Variants in PET117 observed in about 807,000 individuals in gnomAD.
PET117 encodes protein PET117 homolog, mitochondrial.
A neutral mutation model predicts 9.2 loss-of-function variants in PET117; 10 were observed. The ratio of observed to expected loss-of-function variants is 1.09; its 90% CI spans 0.67 to 1.85. The LOEUF is 1.85. Ranked by LOEUF, PET117 falls within the 40% of genes most tolerant of loss-of-function variation. The probability of loss-of-function intolerance (pLI) is 0.00; values close to 1 mark genes in which losing one functional copy is unlikely to be tolerated. For missense variants in PET117, 96 were observed against 98.2 expected (o/e 0.98, Z 0.09); for synonymous variants, 43 against 37.1 (o/e 1.16, Z -0.57).
At chr20:18,140,680 C>T (rs754855142) in intron 1 of PET117, among the ~76,000 whole-genome samples, 2 of 151,682 alleles carry the variant, frequency 1.3e-5, no homozygotes, top group South Asian at 2.1e-4. Context: ...GGCCTGGTGG[C>T]GCACGCCTGT....
Position 18,141,040 on chromosome 20 carries a change from T to A in PET117, c.97-1168T>A, listed in dbSNP as rs1441511047. The stretch of plus-strand genomic sequence containing the variant: ...TCCCTGCAATTTTTTTTTTTTTTTT[T>A]TTTTTTATTTTTATTTTTGCTAGAG... On this transcript the variant is annotated intron_variant, in intron 1 of 1. Coordinates refer to ENST00000432901, the MANE Select transcript of PET117 (RefSeq NM_001164811.2). Among the ~76,000 whole-genome samples the A allele has an allele frequency of 1.6e-4, 9 of 55,160 alleles. No homozygotes were observed. In the East Asian group the frequency reaches 3.4e-3, roughly 21 times the overall value. 36.2% of individuals were successfully genotyped at this position (55,160 alleles called of 152,430 possible).
rs764354906 is a variant in PET117, at chr20:18,138,033, G to A, written c.78G>A (p.Lys26=). Reference sequence around the variant, plus strand: ...CCACAGTGGCCGGCGTACATGTGAAGCAGCAGTGGGACCAGCAGGTCGGTG... The same window carrying A: ...CCACAGTGGCCGGCGTACATGTGAAACAGCAGTGGGACCAGCAGGTCGGTG... ...TAATVAGVHV[K]QQWDQQRLRD... is the part of the protein sequence containing the mutation. The change falls in exon 1 of 2, where the codon AAG becomes AAA. Residue 26 remains lysine, a synonymous_variant. Coordinates refer to ENST00000432901, the MANE Select transcript of PET117 (RefSeq NM_001164811.2). 3 of 1,494,526 alleles carry A rather than the reference G, an allele frequency of 2.0e-6. No homozygotes were observed. The highest frequency in any genetic ancestry group is 1.3e-5 in the South Asian group (1 of 79,956). The allele number at this position is 1,494,526 out of a possible 1,614,324, so 92.6% of individuals were successfully genotyped here.
At chr20:18,139,270 C>T (rs1011024175) in intron 1 of PET117, among the ~76,000 whole-genome samples, 1 of 152,166 alleles carries the variant, frequency 6.6e-6, no homozygotes, top group Admixed American at 6.5e-5. Context: ...AGGCAGAAGA[C>T]TTCCGCCTCT....
chr20:18,138,732 G>A (rs60738877), intron 1 of PET117, among the ~76,000 whole-genome samples: 21,350 of 151,918 alleles, frequency 0.14, 2,177 homozygotes, highest in African/African-American at 0.29. Context: ...GGAAATATCC[G>A]TGACCTGCTG....
At chr20:18,141,905 A>T (rs542170315) in intron 1 of PET117, among the ~76,000 whole-genome samples, 25 of 152,274 alleles carry the variant, frequency 1.6e-4, no homozygotes, top group African/African-American at 5.3e-4. Context: ...AATAAAAAAA[A>T]ATTTAACATA....
At chr20:18,139,194 A>G (rs938329650) in intron 1 of PET117, among the ~76,000 whole-genome samples, 3 of 152,214 alleles carry the variant, frequency 2.0e-5, no homozygotes, top group Non-Finnish European at 2.9e-5. Context: ...TAACAATGAA[A>G]GGGCACAGGA....
chr20:18,141,727 T>G (rs1479525333), intron 1 of PET117, among the ~76,000 whole-genome samples: 1 of 151,994 alleles, frequency 6.6e-6, no homozygotes, highest in Non-Finnish European at 1.5e-5. Context: ...CTACTAAAAA[T>G]ACAAAAATTA....
Position 18,142,607 on chromosome 20 carries a change from C to A in PET117, c.*250C>A. ...GTAGAAGCCCCATTAGGGTCACTGT[C>A]CAGTGCTTAGGGTTGTTACTGAGAA... On this transcript the variant is annotated 3_prime_UTR_variant, in exon 2 of 2. Coordinates refer to ENST00000432901, the MANE Select transcript of PET117 (RefSeq NM_001164811.2). 1 of 1,606,472 alleles carries A rather than the reference C, an allele frequency of 6.2e-7. No homozygotes were observed. The highest frequency in any genetic ancestry group is 8.5e-7 in the Non-Finnish European group (1 of 1,175,388).
intron 1 of PET117, 98 bp downstream of exon 1, chr20:18,138,149 G>C (rs1346916145): frequency 3.0e-6 from 4 of 1,341,064 alleles, no homozygotes; most frequent in African/African-American, 3.1e-5. Context: ...GCTCCTCTTC[G>C]TGTCTTTCCC....
intron 1 of PET117, among the ~76,000 whole-genome samples, chr20:18,139,637 T>C (rs1485543197): frequency 3.1e-5 from 1 of 32,196 alleles, no homozygotes; most frequent in Non-Finnish European, 5.8e-5. Flanking sequence ...AAATAACGTG[T>C]GTGTGTGTGT....
intron 1 of PET117, among the ~76,000 whole-genome samples, chr20:18,139,281 T>TA (rs1203668890): frequency 6.6e-6 from 1 of 152,196 alleles, no homozygotes; most frequent in Non-Finnish European, 1.5e-5. Context: ...TTCCGCCTCT[T>TA]ACAAGGAAAA....
intron 1 of PET117, among the ~76,000 whole-genome samples, chr20:18,138,658 A>G (rs906329493): frequency 2.0e-5 from 3 of 152,058 alleles, no homozygotes; most frequent in African/African-American, 7.2e-5. Flanking sequence ...TGCTATGGAA[A>G]CTAGAATCTG....
intron 1 of PET117, among the ~76,000 whole-genome samples, chr20:18,141,691 T>G (rs1425358566): frequency 6.6e-6 from 1 of 152,098 alleles, no homozygotes; most frequent in Non-Finnish European, 1.5e-5. Flanking sequence ...CGAGACCAGC[T>G]TGGCTGACGT....
At position 18,142,602 on chromosome 20, in the gene PET117, A is replaced by G; in HGVS notation, c.*245A>G. ...TCCTGGTAGAAGCCCCATTAGGGTC[A>G]CTGTCCAGTGCTTAGGGTTGTTACT... On this transcript the variant is annotated 3_prime_UTR_variant, in exon 2 of 2. Coordinates refer to ENST00000432901, the MANE Select transcript of PET117 (RefSeq NM_001164811.2). 1 of 1,601,556 alleles carries G rather than the reference A, an allele frequency of 6.2e-7. No homozygotes were observed. The highest frequency in any genetic ancestry group is 2.2e-5 in the East Asian group (1 of 44,686).
chr20:18,142,847 G>T lies in PET117; in HGVS notation c.*490G>T. ...GAGTGGGGATTCCCTCAACAGTGAT[G>T]AAGGAGACGTGTCTTGGATGGAGGA... On this transcript the variant is annotated 3_prime_UTR_variant, in exon 2 of 2. Coordinates refer to ENST00000432901, the MANE Select transcript of PET117 (RefSeq NM_001164811.2). 2 of 1,614,200 alleles carry T rather than the reference G, an allele frequency of 1.2e-6. No homozygotes were observed. The highest frequency in any genetic ancestry group is 8.5e-7 in the Non-Finnish European group (1 of 1,180,030).
chr20:18,143,043 G>C lies in PET117; in HGVS notation c.*686G>C. ...AAAGGATAATTATATTTATTCTCTA[G>C]TTGATCAGCTATAAATTTATATAAA... On this transcript the variant is annotated 3_prime_UTR_variant, in exon 2 of 2. Transcript: ENST00000432901. The C allele has an allele frequency of 6.9e-7, 1 of 1,443,846 alleles. No homozygotes were observed. Among genetic ancestry groups the C allele is most frequent in the Non-Finnish European group, 9.1e-7 (1 of 1,099,134 alleles). 89.4% of individuals were successfully genotyped at this position (1,443,846 alleles called of 1,614,324 possible). A position where few individuals can be genotyped will look rare whatever the true frequency, so the allele number is the denominator to read the frequency against.
chr20:18,138,353 T>C (rs1050252337), intron 1 of PET117: 1 of 1,088,464 alleles, frequency 9.2e-7, no homozygotes, highest in Non-Finnish European at 1.1e-6. Flanking sequence ...ACGCAAGCTT[T>C]TGGGGTGCCC....
intron 1 of PET117, chr20:18,138,300 T>C (rs2037378544): frequency 1.7e-6 from 2 of 1,188,214 alleles, no homozygotes; most frequent in South Asian, 3.8e-5. Flanking sequence ...TTAGCGCCTT[T>C]GGAGCTCCGC....
rs886587092 is a variant in PET117 at position 18,142,771 on chromosome 20, C to A, written c.*414C>A. 6.2e-7 allele frequency: 1 copy of A among 1,614,190 alleles called. No homozygotes were observed. The highest frequency in any genetic ancestry group is 8.5e-7 in the Non-Finnish European group (1 of 1,180,040). The stretch of plus-strand genomic sequence containing the variant: ...AAGGTGAAGTGGAGGGAGAGACGCT[C>A]CTGATCGTCGAATCCGAGGATCAGG... On this transcript the variant is annotated 3_prime_UTR_variant, in exon 2 of 2. Coordinates refer to ENST00000432901, the MANE Select transcript of PET117 (RefSeq NM_001164811.2).
Sources: gnomAD v4.1 joint callset for allele counts (sites outside exome capture counted in the v4.1 genomes callset) on GRCh38, gnomAD v4.1.1 for gene constraint, MANE v1.5 for transcripts, NCBI Gene and HGNC (gene_info 2026-07-23, HGNC 2026-07-21) for gene names.